ACE: variants seen among roughly 807,000 people sequenced by gnomAD.
The protein encoded by ACE is angiotensin-converting enzyme.
In ACE, 122 loss-of-function variants were observed where a neutral mutation model predicts 162.3. That is an observed-to-expected ratio of 0.75 (90% confidence interval 0.65 to 0.87). The LOEUF is 0.87. ACE is among the 40% of genes least tolerant of loss of function. The probability of loss-of-function intolerance (pLI) is 0.00; values close to 1 mark genes in which losing one functional copy is unlikely to be tolerated. For synonymous variants in ACE, 796 were observed against 720.6 expected (o/e 1.10, Z -1.68); for missense variants, 1,799 against 1,735.1 (o/e 1.04, Z -0.65).
At chr17:63,480,867 C>A (rs1248261067) in intron 5 of ACE, among the ~76,000 whole-genome samples, 2 of 152,206 alleles carry the variant, frequency 1.3e-5, no homozygotes, top group Non-Finnish European at 2.9e-5. Context: ...TGGGGCCTGG[C>A]ACAGCCAGAA....
intron 22 of ACE, among the ~76,000 whole-genome samples, chr17:63,494,842 G>A (rs1471753841): frequency 6.6e-6 from 1 of 152,086 alleles, no homozygotes. Flanking sequence ...ATTGAACATT[G>A]TCTGCGATAC....
Position 63,493,497 on chromosome 17 carries a change from C to G in ACE, c.2974C>G (p.His992Asp), listed in dbSNP as rs1244440863. ...GGTGGTGGCCCACCACGAAATGGGC[C>G]ACATCCAGTATTTCATGCAGTACAA... ...DLVVAHHEMG[H>D]IQYFMQYKDL... The change falls in exon 20 of 25, where the codon CAC becomes GAC. Residue 992 changes from histidine to aspartate, a missense_variant. Coordinates refer to ENST00000290866, the MANE Select transcript of ACE (RefSeq NM_000789.4). The G allele has an allele frequency of 8.1e-6, 13 of 1,613,894 alleles. No individual in the cohort carries two copies. In the South Asian group the frequency reaches 1.4e-4, roughly 18 times the overall value.
rs950425419 is a variant in ACE, at chr17:63,477,442, G to A, written c.249+99G>A. On this transcript the variant is annotated intron_variant, in intron 1 of 24. Coordinates refer to ENST00000290866, the MANE Select transcript of ACE (RefSeq NM_000789.4). ...GCGGGCAGGCTGGCGCCCCCGACCC[G>A]AACCCCACCCCGACCCCGGACCCTC... 4.0e-6 allele frequency: 4 copies of A among 992,106 alleles called. No homozygotes were observed. In the Admixed American group the frequency reaches 1.5e-4, roughly 38 times the overall value. The allele number at this position is 992,106 out of a possible 1,614,324, so 61.5% of individuals were successfully genotyped here. A position where few individuals can be genotyped will look rare whatever the true frequency, so the allele number is the denominator to read the frequency against.
At chr17:63,477,880 C>A in intron 1 of ACE, 51 bp from the exon 2 acceptor site, 2 of 1,568,876 alleles carry the variant, frequency 1.3e-6, no homozygotes, top group Non-Finnish European at 1.7e-6. Context: ...CCTTTATGGC[C>A]TGCATCTAAG....
Position 63,493,961 on chromosome 17 carries a change from A to G in ACE, c.3176A>G (p.Lys1059Arg). 6.2e-7 allele frequency: 1 copy of G among 1,614,140 alleles called. No individual in the cohort carries two copies. The highest frequency in any genetic ancestry group is 8.5e-7 in the Non-Finnish European group (1 of 1,180,028). The change falls in exon 21 of 25, where the codon AAG (lysine) becomes AGG (arginine). Residue 1059 changes from lysine (K) to arginine (R), a missense_variant. Lys to Arg is a conservative substitution (Grantham distance 26). Transcript: ENST00000290866. The part of the protein sequence containing the change: ...INFLMKMALD[K>R]IAFIPFSYLV... ...TTTCTGATGAAGATGGCCCTTGACA[A>G]GATCGCCTTTATCCCCTTCAGCTAC...
At chr17:63,479,617 C>A in intron 3 of ACE, 152 bp from the exon 4 acceptor site, 1 of 1,021,776 alleles carries the variant, frequency 9.8e-7, no homozygotes, top group African/African-American at 1.6e-5. Flanking sequence ...CAGCCCCCTC[C>A]CACCAGGCCT....
Position 63,483,839 on chromosome 17 carries a change from G to C in ACE, c.1587-10G>C. On this transcript the variant is annotated splice_polypyrimidine_tract_variant and intron_variant, in intron 10 of 24. Coordinates refer to ENST00000290866, the MANE Select transcript of ACE (RefSeq NM_000789.4). ...CATGATCTTCCCTGACTCCCACCCT[G>C]TGCCTGCAGGTACTTTGTGAGTTTT... 3 of 1,613,976 alleles carry C rather than the reference G, an allele frequency of 1.9e-6. No homozygotes were observed. In the South Asian group the frequency reaches 3.3e-5, roughly 18 times the overall value.
chr17:63,478,528 G>T (rs769797862), intron 2 of ACE: 1 of 309,818 alleles, frequency 3.2e-6, no homozygotes, highest in Non-Finnish European at 6.2e-6. Context: ...GGGCTTGGTG[G>T]TGCGTGCACC....
At position 63,480,500 on chromosome 17, in the gene ACE, CAG is replaced by C. The variant is rs1568036722; in HGVS notation, c.820_821del (p.Arg274GlyfsTer117). The C allele has an allele frequency of 2.5e-6, 4 of 1,613,966 alleles. No individual in the cohort carries two copies. The highest frequency in any genetic ancestry group is 3.4e-6 in the Non-Finnish European group (4 of 1,180,026). ...GATACGGAGACAGATACATCAACCT[CAG>C]GGGACCCATCCCTGCTCATCTGCTG... Reference protein sequence around the residue: ...RRYGDRYINLRGPIPAHLLGD... With the variant: ...RRYGDRYINLXGPIPAHLLGD... On this transcript the variant is annotated frameshift_variant, in exon 5 of 25. Coordinates refer to ENST00000290866, the MANE Select transcript of ACE (RefSeq NM_000789.4). LOFTEE classifies it high-confidence loss of function.
chr17:63,493,502 C>G lies in ACE; in HGVS notation c.2979C>G (p.Ile993Met). 1 of 1,614,010 alleles carries G rather than the reference C, an allele frequency of 6.2e-7. No individual in the cohort carries two copies. The highest frequency in any genetic ancestry group is 8.5e-7 in the Non-Finnish European group (1 of 1,180,012). ...TGGCCCACCACGAAATGGGCCACAT[C>G]CAGTATTTCATGCAGTACAAAGACT... is the stretch of plus-strand genomic sequence containing the variant. ...LVVAHHEMGH[I>M]QYFMQYKDLP... The change falls in exon 20 of 25, where the codon ATC becomes ATG. Residue 993 changes from isoleucine to methionine, a missense_variant. By Grantham distance (10) the Ile-to-Met change is conservative. Transcript: ENST00000290866.
chr17:63,488,404 C>T (rs1987693), intron 15 of ACE, among the ~76,000 whole-genome samples: 4,860 of 149,372 alleles, frequency 0.033, 264 homozygotes, highest in African/African-American at 0.11. Context: ...GACTCAAGCA[C>T]GCCCCTCACA....
At chr17:63,481,260 G>A in intron 6 of ACE, 72 bp downstream of exon 6, 1 of 1,401,716 alleles carries the variant, frequency 7.1e-7, no homozygotes, top group Non-Finnish European at 1.0e-6. Context: ...TCACAGATGG[G>A]CACAGGGGCG....
intron 2 of ACE, chr17:63,478,502 CA>C (rs367727597): frequency 0.019 from 4,959 of 263,674 alleles, 20 homozygotes; most frequent in Non-Finnish European, 0.024. Flanking sequence ...CTCGTCTCTA[CA>C]AAAAAAAAAT....
At position 63,496,669 on chromosome 17, in the gene ACE, T is replaced by C; in HGVS notation, c.3504-129T>C. ...TGGGCCAGGCCTGATTGCCATCTCC[T>C]TAGGCACCTGGAGCCCTGGGGCCCT... is the stretch of plus-strand genomic sequence containing the variant. On this transcript the variant is annotated intron_variant, in intron 23 of 24. Coordinates refer to ENST00000290866, the MANE Select transcript of ACE (RefSeq NM_000789.4). 3 of 1,570,514 alleles carry C rather than the reference T, an allele frequency of 1.9e-6. No homozygotes were observed. The Admixed American group carries it at 5.1e-5, about 27-fold the overall frequency.
chr17:63,482,988 C>T (rs766283491), intron 8 of ACE, 41 bp from the exon 9 acceptor site: 13 of 1,604,652 alleles, frequency 8.1e-6, no homozygotes, highest in Non-Finnish European at 1.1e-5. Flanking sequence ...CCTCTTCTCC[C>T]TCTGACCTCT....
At position 63,496,376 on chromosome 17, in the gene ACE, G is replaced by A. The variant is rs761018092; in HGVS notation, c.3381-18G>A. On this transcript the variant is annotated intron_variant, in intron 22 of 24. Transcript: ENST00000290866. Reference sequence around the variant, plus strand: ...CTCAACCAACTCCGCCCCGGGCCACGGCCTCGCTCTGCTCCAGGTACTTTG... The same window carrying A: ...CTCAACCAACTCCGCCCCGGGCCACAGCCTCGCTCTGCTCCAGGTACTTTG... The A allele has an allele frequency of 3.3e-5, 53 of 1,613,966 alleles. 1 individual carries two copies. Among genetic ancestry groups the A allele is most frequent in the South Asian group, 7.7e-5 (7 of 91,036 alleles).
At position 63,483,567 on chromosome 17, in the gene ACE, G is replaced by GCGGGGGGGGGCCCC; in HGVS notation, c.1586+10_1586+11insGGGGGGGGGCCCCC. On this transcript the variant is annotated intron_variant, in intron 10 of 24. Coordinates refer to ENST00000290866, the MANE Select transcript of ACE (RefSeq NM_000789.4). ...GTGACACCATACATCAGGTATTAGCGCCCCCACCCCACCCACCCCCAGTAC... is the reference window on the plus strand; with the variant it reads ...GTGACACCATACATCAGGTATTAGCGCGGGGGGGGGCCCCCCCCCACCCCACCCACCCCCAGTAC... The GCGGGGGGGGGCCCC allele has an allele frequency of 1.3e-6, 2 of 1,589,488 alleles. No individual in the cohort carries two copies. Among genetic ancestry groups the GCGGGGGGGGGCCCC allele is most frequent in the Non-Finnish European group, 1.7e-6 (2 of 1,165,624 alleles).
chr17:63,497,462 C>T lies in ACE; in HGVS notation c.*96C>T, dbSNP rs2030839494. ...GCTGAGGACACACCCCACACCCCAG[C>T]CCACCCTGCTCCTCCTGCCCTGTCC... On this transcript the variant is annotated 3_prime_UTR_variant, in exon 25 of 25. Coordinates refer to ENST00000290866, the MANE Select transcript of ACE (RefSeq NM_000789.4). 5 of 1,127,528 alleles carry T rather than the reference C, an allele frequency of 4.4e-6. No homozygotes were observed. Among genetic ancestry groups the T allele is most frequent in the Non-Finnish European group, 6.5e-6 (5 of 773,090 alleles). The allele number at this position is 1,127,528 out of a possible 1,614,324, so 69.8% of individuals were successfully genotyped here. A position where few individuals can be genotyped will look rare whatever the true frequency, so the allele number is the denominator to read the frequency against.
At position 63,483,567 on chromosome 17, in the gene ACE, G is replaced by GCGGGGGGGGGGGC; in HGVS notation, c.1586+10_1586+11insGGGGGGGGGGGCC. The GCGGGGGGGGGGGC allele has an allele frequency of 5.0e-6, 8 of 1,589,536 alleles. No individual in the cohort carries two copies. The highest frequency in any genetic ancestry group is 6.9e-6 in the Non-Finnish European group (8 of 1,165,658). ...GTGACACCATACATCAGGTATTAGC[G>GCGGGGGGGGGGGC]CCCCCACCCCACCCACCCCCAGTAC... On this transcript the variant is annotated intron_variant, in intron 10 of 24. Coordinates refer to ENST00000290866, the MANE Select transcript of ACE (RefSeq NM_000789.4).
Sources: allele counts gnomAD v4.1 joint callset (sites outside exome capture counted in the v4.1 genomes callset), GRCh38; gene constraint gnomAD v4.1.1; transcripts MANE v1.5; gene names NCBI Gene and HGNC (gene_info 2026-07-23, HGNC 2026-07-21).